The following ZPBP variants were observed in gnomAD, a reference collection of about 807,000 sequenced individuals.
ZPBP encodes zona pellucida-binding protein 1.
In ZPBP, 26 loss-of-function variants were observed where a neutral mutation model predicts 44.8. The ratio of observed to expected loss-of-function variants is 0.58; its 90% confidence interval spans 0.43 to 0.81. ZPBP has a LOEUF of 0.81. Ranked by LOEUF, ZPBP falls within the 30% of genes least tolerant of loss-of-function variation. The pLI is 0.00. For missense variants in ZPBP, 409 were observed against 434.0 expected, an observed-to-expected ratio of 0.94 and a Z score of 0.51; for synonymous variants, 174 against 153.2, an observed-to-expected ratio of 1.14 and a Z score of -1.00.
At chr7:49,957,703 T>C (rs1169057368) in intron 7 of ZPBP, among the ~76,000 whole-genome samples, 4 of 152,144 alleles carry the variant, frequency 2.6e-5, no homozygotes, top group Admixed American at 6.5e-5. Context: ...AGACTTACCA[T>C]AGGGGCAGAG....
intron 4 of ZPBP, among the ~76,000 whole-genome samples, chr7:50,042,443 G>A (rs557384791): frequency 8.2e-4 from 125 of 152,192 alleles, no homozygotes; most frequent in African/African-American, 3.0e-3. Flanking sequence ...CCACAAAGGC[G>A]AGCCCATCAG....
intron 7 of ZPBP, among the ~76,000 whole-genome samples, chr7:49,975,260 C>G (rs1057480100): frequency 6.6e-6 from 1 of 152,144 alleles, no homozygotes; most frequent in African/African-American, 2.4e-5. Context: ...TGCTAACTGG[C>G]ATGTTCCCAA....
downstream of ZPBP, among the ~76,000 whole-genome samples, chr7:49,849,449 G>A (rs571062388): frequency 7.2e-5 from 11 of 152,308 alleles, no homozygotes; most frequent in Admixed American, 7.2e-4. Flanking sequence ...AGACTGTCAG[G>A]AAGGGTCCTC....
intron 1 of ZPBP, among the ~76,000 whole-genome samples, chr7:49,930,423 C>T (rs1219292523): frequency 6.6e-6 from 1 of 152,124 alleles, no homozygotes; most frequent in African/African-American, 2.4e-5. Flanking sequence ...TGATGGGTTT[C>T]AAACAAAACC....
Position 50,018,295 on chromosome 7 carries a change from T to A in ZPBP, c.728A>T (p.Lys243Ile), listed in dbSNP as rs140695128. 8.7e-6 allele frequency: 14 copies of A among 1,609,750 alleles called. No homozygotes were observed. The highest frequency in any genetic ancestry group is 1.1e-5 in the Non-Finnish European group (13 of 1,178,330). Residue 243 changes from lysine (K) to isoleucine (I), a missense_variant, in exon 6 of 8, where the codon AAA becomes ATA. Lys to Ile is a moderately radical substitution (Grantham distance 102, BLOSUM62 -3). Transcript: ENST00000046087. Reference sequence around the variant, plus strand: ...ATGGTCTGTACATCGCTTGGGTCCTTTTTCAGTGTCTAGAGATGAAACTGA... The same window carrying A: ...ATGGTCTGTACATCGCTTGGGTCCTATTTCAGTGTCTAGAGATGAAACTGA... The part of the protein sequence containing the change: ...AFSVSSLDTE[K>I]GPKRCTDHNC...
intron 1 of ZPBP, chr7:49,919,825 A>G (rs1446281832): frequency 6.6e-6 from 1 of 152,226 alleles, no homozygotes; most frequent in Non-Finnish European, 1.5e-5. Flanking sequence ...TCTCTCAAGA[A>G]AAAGATTTTC....
At chr7:49,863,611 G>A (rs1790757443) in intron 2 of ZPBP, among the ~76,000 whole-genome samples, 1 of 151,954 alleles carries the variant, frequency 6.6e-6, no homozygotes, top group African/African-American at 2.4e-5. Flanking sequence ...TTTGTATTTT[G>A]TGTAGAGAAG....
intron 1 of ZPBP, among the ~76,000 whole-genome samples, chr7:50,092,224 G>A (rs1803029916): frequency 6.6e-6 from 1 of 152,104 alleles, no homozygotes; most frequent in Non-Finnish European, 1.5e-5. Flanking sequence ...TCTCCTACAT[G>A]GCAATTGATG....
At chr7:49,977,858 T>A (rs1479544800) in intron 7 of ZPBP, among the ~76,000 whole-genome samples, 1 of 152,176 alleles carries the variant, frequency 6.6e-6, no homozygotes, top group Admixed American at 6.5e-5. Flanking sequence ...TACTCAGATA[T>A]CTCAAACTCA....
intron 2 of ZPBP, among the ~76,000 whole-genome samples, chr7:49,874,549 TG>T (rs1269606192): frequency 3.8e-5 from 1 of 26,420 alleles, no homozygotes; most frequent in Admixed American, 3.3e-4. Flanking sequence ...TGACTATATA[TG>T]TGTGTGTGTG....
downstream of ZPBP, among the ~76,000 whole-genome samples, chr7:49,847,539 C>T (rs1789990261): frequency 6.6e-6 from 1 of 152,078 alleles, no homozygotes; most frequent in African/African-American, 2.4e-5. Flanking sequence ...GTCAACAGAT[C>T]ATGAGATGAT....
downstream of ZPBP, among the ~76,000 whole-genome samples, chr7:49,846,805 G>A (rs1789959935): frequency 1.3e-5 from 2 of 152,126 alleles, no homozygotes; most frequent in South Asian, 4.1e-4. Context: ...TTATACATAT[G>A]TAAATTTCCC....
intron 4 of ZPBP, among the ~76,000 whole-genome samples, chr7:50,054,017 T>C (rs1800813370): frequency 6.6e-6 from 1 of 152,078 alleles, no homozygotes; most frequent in Non-Finnish European, 1.5e-5. Context: ...GCCTCCTGAG[T>C]AGCTGGGATT....
chr7:50,089,693 T>G lies in ZPBP; in HGVS notation c.144A>C (p.Arg48=), dbSNP rs769348660. ...TGGTCAAGCGAAAAGCTCTTGGTAA[T>G]CGAACCAAGTGTCCAACTATCAAAA... ...RVPSSVGHLV[R]LPRAFRLTKD... The change falls in exon 2 of 8, where the codon CGA becomes CGC. Residue 48 remains arginine, a synonymous_variant. Transcript: ENST00000046087. 8 of 1,610,716 alleles carry G rather than the reference T, an allele frequency of 5.0e-6. No individual in the cohort carries two copies. In the East Asian group the frequency reaches 1.8e-4, roughly 36 times the overall value.
At chr7:49,915,491 A>C (rs1183154186) in intron 1 of ZPBP, 4 of 152,190 alleles carry the variant, frequency 2.6e-5, no homozygotes, top group Non-Finnish European at 5.9e-5. Context: ...CTCCAACATA[A>C]ATGTTGCATT....
chr7:49,898,466 A>T (rs528630009), intron 2 of ZPBP, among the ~76,000 whole-genome samples: 3 of 152,060 alleles, frequency 2.0e-5, no homozygotes, highest in Admixed American at 2.0e-4. Context: ...AAATCCCTCA[A>T]TATTTGTTTG....
downstream of ZPBP, among the ~76,000 whole-genome samples, chr7:49,848,367 A>G (rs575320378): frequency 6.6e-6 from 1 of 152,292 alleles, no homozygotes; most frequent in East Asian, 1.9e-4. Flanking sequence ...CCCACTGACA[A>G]GAGGAAGCAG....
chr7:49,932,753 C>T (rs892748378), downstream of ZPBP, among the ~76,000 whole-genome samples: 5 of 152,138 alleles, frequency 3.3e-5, no homozygotes, highest in Non-Finnish European at 7.3e-5. Flanking sequence ...CCACCCAAAT[C>T]TCACCTTGAA....
At chr7:50,091,840 T>C (rs769549029) in intron 1 of ZPBP, among the ~76,000 whole-genome samples, 12 of 152,202 alleles carry the variant, frequency 7.9e-5, no homozygotes, top group Non-Finnish European at 1.6e-4. Flanking sequence ...CAGACAGGAA[T>C]AGCAAAGTGC....
Sources: gnomAD v4.1 joint callset for allele counts (sites outside exome capture counted in the v4.1 genomes callset) on GRCh38, gnomAD v4.1.1 for gene constraint, MANE v1.5 for transcripts, NCBI Gene and HGNC (gene_info 2026-07-23, HGNC 2026-07-21) for gene names.